NFATC1: variants seen among roughly 807,000 people sequenced by gnomAD.
The protein encoded by NFATC1 is nuclear factor of activated T-cells, cytoplasmic 1.
A neutral mutation model predicts 76.0 loss-of-function variants in NFATC1; 22 were observed. The ratio of observed to expected loss-of-function variants is 0.29; its 90% confidence interval spans 0.21 to 0.41. The LOEUF is 0.41. Ranked by LOEUF, NFATC1 falls within the 10% of genes least tolerant of loss-of-function variation. NFATC1 has a pLI of 1.00. For synonymous variants in NFATC1, 704 were observed against 613.1 expected, an observed-to-expected ratio of 1.15 and a Z score of -2.19; for missense variants, 1,357 against 1,337.7, an observed-to-expected ratio of 1.01 and a Z score of -0.23.
At position 79,410,189 on chromosome 18, in the gene NFATC1, G is replaced by A; in HGVS notation, c.128-214G>A. The A allele has an allele frequency of 5.1e-6, 4 of 783,218 alleles. No individual in the cohort carries two copies. Among genetic ancestry groups the A allele is most frequent in the South Asian group, 4.3e-5 (3 of 69,410 alleles). The allele number at this position is 783,218 out of a possible 1,614,324, so 48.5% of individuals were successfully genotyped here. On this transcript the variant is annotated intron_variant, in intron 1 of 9. Coordinates refer to ENST00000427363, the MANE Select transcript of NFATC1 (RefSeq NM_001278669.2). The surrounding 1 kb of genome is among the most constrained non-coding windows in gnomAD (Gnocchi z 6.7). ...GAGGAGGGGAGGTGGGCAGTGAGGG[G>A]CTCACGGGAGCCTTGTTGGCCAGGT...
At chr18:79,494,082 C>T (rs1271274180) in intron 9 of NFATC1, among the ~76,000 whole-genome samples, 4 of 152,220 alleles carry the variant, frequency 2.6e-5, no homozygotes, top group South Asian at 2.1e-4. Flanking sequence ...CAAACCTGTG[C>T]GCCAGGCAGC....
At position 79,448,775 on chromosome 18, in the gene NFATC1, T is replaced by C. The variant is rs777030749; in HGVS notation, c.1387-7T>C. 6 of 1,612,254 alleles carry C rather than the reference T, an allele frequency of 3.7e-6. No individual in the cohort carries two copies. Among genetic ancestry groups the C allele is most frequent in the East Asian group, 2.2e-5 (1 of 44,874 alleles). On this transcript the variant is annotated splice_polypyrimidine_tract_variant and splice_region_variant and intron_variant, in intron 3 of 9. Coordinates refer to ENST00000427363, the MANE Select transcript of NFATC1 (RefSeq NM_001278669.2). ...TGCTGAGCAGGTGTTTTCTGTTCTC[T>C]CGCCAGCTGCATGGCTACTTGGAGA...
chr18:79,460,733 G>C (rs759700743), intron 6 of NFATC1, among the ~76,000 whole-genome samples: 2 of 152,116 alleles, frequency 1.3e-5, no homozygotes, highest in African/African-American at 2.4e-5. Flanking sequence ...TCATCCACCA[G>C]AGTAGACCCC....
intron 3 of NFATC1, chr18:79,448,347 G>C (rs1348401541): frequency 5.0e-6 from 1 of 199,902 alleles, no homozygotes; most frequent in Admixed American, 5.3e-5. Context: ...GGCGTCCCCT[G>C]ATCAGGAGTG....
chr18:79,426,632 G>A lies in NFATC1; in HGVS notation c.1227-6947G>A, dbSNP rs1025040096. On this transcript the variant is annotated intron_variant, in intron 2 of 9. Coordinates refer to ENST00000427363, the MANE Select transcript of NFATC1 (RefSeq NM_001278669.2). ...ACCCCCAGAGGGGCGGCAAACACAGGAGTCCTGGGGAGTGTTGCCGGGGCG... is the reference window on the plus strand; with the variant it reads ...ACCCCCAGAGGGGCGGCAAACACAGAAGTCCTGGGGAGTGTTGCCGGGGCG... Among the ~76,000 whole-genome samples the A allele has an allele frequency of 3.9e-5, 6 of 152,256 alleles. No individual in the cohort carries two copies. The East Asian group carries it at 7.7e-4, about 20-fold the overall frequency.
At chr18:79,397,049 A>G (rs1014607395) in intron 1 of NFATC1, among the ~76,000 whole-genome samples, 5 of 152,168 alleles carry the variant, frequency 3.3e-5, no homozygotes, top group African/African-American at 1.2e-4. Context: ...TGAAAAAAAG[A>G]TGGCACAGTG....
intron 4 of NFATC1, among the ~76,000 whole-genome samples, chr18:79,450,638 G>A (rs1008959009): frequency 6.6e-6 from 1 of 152,124 alleles, no homozygotes; most frequent in Non-Finnish European, 1.5e-5. Flanking sequence ...GCTCCGACTG[G>A]ACCCGCTTGG....
intron 6 of NFATC1, among the ~76,000 whole-genome samples, chr18:79,454,867 C>T (rs1336130797): frequency 6.6e-6 from 1 of 152,118 alleles, no homozygotes; most frequent in Non-Finnish European, 1.5e-5. Context: ...ACCCCTCTCC[C>T]ACCCACACCC....
chr18:79,452,944 A>G (rs1313240321), intron 6 of NFATC1, among the ~76,000 whole-genome samples: 6 of 152,244 alleles, frequency 3.9e-5, no homozygotes, highest in Non-Finnish European at 5.9e-5. Flanking sequence ...TGATTTGTAC[A>G]GTTTGCCGGA....
chr18:79,434,400 G>A (rs942096090), intron 3 of NFATC1, among the ~76,000 whole-genome samples: 5 of 152,228 alleles, frequency 3.3e-5, no homozygotes, highest in East Asian at 1.9e-4. Context: ...TGTAATGACC[G>A]CGCCAGGGAC....
intron 8 of NFATC1, 123 bp from the exon 9 acceptor site, chr18:79,486,125 C>A: frequency 2.5e-6 from 2 of 810,876 alleles, no homozygotes; most frequent in Non-Finnish European, 2.0e-6. Context: ...GAGAACCAGG[C>A]AGGAGACAGA....
chr18:79,429,095 C>T (rs1004615005), intron 2 of NFATC1, among the ~76,000 whole-genome samples: 2 of 151,988 alleles, frequency 1.3e-5, no homozygotes, highest in Admixed American at 6.6e-5. Context: ...GTGGTGGGCA[C>T]CTGTACTCCC....
intron 8 of NFATC1, chr18:79,469,410 G>T: frequency 1.0e-6 from 1 of 985,442 alleles, no homozygotes; most frequent in Non-Finnish European, 1.2e-6. Flanking sequence ...TGCGGGGAGC[G>T]TGCCTGCCCT....
Position 79,486,360 on chromosome 18 carries a change from G to A in NFATC1, c.2205G>A (p.Ala735=), listed in dbSNP as rs368426396. 9.9e-6 allele frequency: 16 copies of A among 1,613,042 alleles called. No homozygotes were observed. The highest frequency in any genetic ancestry group is 5.3e-5 in the African/African-American group (4 of 75,036). The change falls in exon 9 of 10, where the codon GCG becomes GCA. Residue 735 remains alanine (A), a synonymous_variant. Transcript: ENST00000427363. ...GACCATACTACAGCCAGCAGCTCGCGATGCCACCCGACCCCAGCTCCTGCC... is the reference window on the plus strand; with the variant it reads ...GACCATACTACAGCCAGCAGCTCGCAATGCCACCCGACCCCAGCTCCTGCC... ...LPRPYYSQQL[A]MPPDPSSCLV...
chr18:79,474,884 TCGACG>T, intron 8 of NFATC1, among the ~76,000 whole-genome samples: 1 of 144,834 alleles, frequency 6.9e-6, no homozygotes, highest in African/African-American at 2.6e-5. Context: ...ACGCTCACTG[TCGACG>T]TTGTAAACCT....
In NFATC1 at chr18:79,410,993, A is replaced by C; in HGVS notation, c.718A>C (p.Thr240Pro). The C allele has an allele frequency of 6.2e-7, 1 of 1,607,608 alleles. No individual in the cohort carries two copies. Among genetic ancestry groups the C allele is most frequent in the Admixed American group, 1.7e-5 (1 of 59,718 alleles). Reference sequence around the variant, plus strand: ...GGGTTCCCCGCGGCACTCCCCCTCCACCTCGCCCCGCGCCAGCGTCACTGA... The same window carrying C: ...GGGTTCCCCGCGGCACTCCCCCTCCCCCTCGCCCCGCGCCAGCGTCACTGA... ...LLGSPRHSPS[T>P]SPRASVTEES... is the part of the protein sequence containing the mutation. Residue 240 changes from threonine to proline, a missense_variant, in exon 2 of 10, where the codon ACC becomes CCC. Physicochemically the swap from Thr to Pro is conservative, Grantham distance 38. Around this residue, in one of 3 missense-constraint regions of NFATC1, gnomAD observed 691 missense variants for 613.1 expected, o/e 1.13. Coordinates refer to ENST00000427363, the MANE Select transcript of NFATC1 (RefSeq NM_001278669.2). The surrounding 1 kb of genome is among the most constrained non-coding windows in gnomAD (Gnocchi z 6.7).
chr18:79,487,074 TC>T, intron 9 of NFATC1, 137 bp downstream of exon 9: 1 of 1,039,004 alleles, frequency 9.6e-7, no homozygotes, highest in Admixed American at 3.1e-5. Flanking sequence ...GGGTGCGTCC[TC>T]CTGATATAAA....
At chr18:79,448,466 G>C in intron 3 of NFATC1, 1 of 397,688 alleles carries the variant, frequency 2.5e-6, no homozygotes. Context: ...ACATGGCTCA[G>C]CGAGGGCTCC....
At chr18:79,397,620 T>C (rs748090183) in intron 1 of NFATC1, among the ~76,000 whole-genome samples, 4 of 152,384 alleles carry the variant, frequency 2.6e-5, no homozygotes, top group Non-Finnish European at 5.9e-5. Flanking sequence ...CAATGTGCTC[T>C]TGCTAGTAGC....
Sources: allele counts gnomAD v4.1 joint callset (sites outside exome capture counted in the v4.1 genomes callset), GRCh38; gene constraint gnomAD v4.1.1; regional missense constraint gnomAD v4.1.1; non-coding constraint Gnocchi (gnomAD v3.1); transcripts MANE v1.5; gene names NCBI Gene and HGNC (gene_info 2026-07-23, HGNC 2026-07-21).